The following MICU3 variants were observed in gnomAD, a reference collection of about 807,000 sequenced individuals.
The protein encoded by MICU3 is calcium uptake protein 3, mitochondrial.
Under a neutral mutation model 66.5 loss-of-function variants are expected in MICU3, and 62 were observed. The observed-to-expected ratio is 0.93, with a 90% confidence interval of 0.76 to 1.15. The LOEUF is 1.15. Among genes scored for constraint, MICU3 ranks in the 50% most tolerant of loss-of-function variants. The pLI is 0.00. For synonymous variants in MICU3, 308 were observed against 240.7 expected (o/e 1.28, Z -2.59); for missense variants, 779 against 664.4 (o/e 1.17, Z -1.90).
the MICU3 span, among the ~76,000 whole-genome samples, chr8:17,137,271 ATAGGAG>A: frequency 1.3e-5 from 2 of 152,048 alleles, no homozygotes; most frequent in Non-Finnish European, 2.9e-5. Flanking sequence ...GTGATTCTAC[ATAGGAG>A]TTAAATGTTC....
chr8:17,129,103 A>G, the MICU3 span, among the ~76,000 whole-genome samples: 1 of 152,188 alleles, frequency 6.6e-6, no homozygotes, highest in Admixed American at 6.5e-5. Context: ...AAGTAAAGAC[A>G]ACTCTTGACC....
chr8:17,136,548 C>G, the MICU3 span, among the ~76,000 whole-genome samples: 15 of 152,066 alleles, frequency 9.9e-5, no homozygotes, highest in Non-Finnish European at 4.4e-5. Flanking sequence ...GGATTAGAGC[C>G]TCTGCTCACT....
chr8:17,132,023 A>G, the MICU3 span: 1 of 152,170 alleles, frequency 6.6e-6, no homozygotes, highest in Admixed American at 6.5e-5. Flanking sequence ...CAGGATACTC[A>G]TCATCTCCAA....
intron 3 of MICU3, 136 bp from the exon 4 acceptor site, chr8:17,077,647 G>T (rs143019906): frequency 1.1e-5 from 6 of 559,226 alleles, no homozygotes; most frequent in African/African-American, 3.8e-5. Flanking sequence ...TGAACCACAG[G>T]CATAACATAG....
chr8:17,074,846 A>G (rs1369411079), intron 3 of MICU3, among the ~76,000 whole-genome samples: 1 of 152,010 alleles, frequency 6.6e-6, no homozygotes, highest in African/African-American at 2.4e-5. Flanking sequence ...TAATTCAGCA[A>G]ATATTTATTT....
chr8:17,028,629 T>C (rs1811458049), intron 1 of MICU3, among the ~76,000 whole-genome samples: 2 of 152,242 alleles, frequency 1.3e-5, no homozygotes, highest in African/African-American at 2.4e-5. Context: ...AGTGGTGATC[T>C]GATGTAAGTG....
At chr8:17,084,504 CAAAAG>C (rs1385470664) in intron 5 of MICU3, among the ~76,000 whole-genome samples, 8 of 152,002 alleles carry the variant, frequency 5.3e-5, no homozygotes, top group Middle Eastern at 3.2e-3. Flanking sequence ...CCGGTCATCT[CAAAAG>C]AAAAGATCCA....
At chr8:17,082,702 G>A (rs1003167223) in intron 5 of MICU3, among the ~76,000 whole-genome samples, 3 of 152,100 alleles carry the variant, frequency 2.0e-5, no homozygotes, top group African/African-American at 4.8e-5. Flanking sequence ...GATATGTGGA[G>A]ATGCATGGAA....
chr8:17,052,672 A>C (rs1181997097), intron 1 of MICU3, among the ~76,000 whole-genome samples: 5 of 152,182 alleles, frequency 3.3e-5, no homozygotes, highest in Non-Finnish European at 7.3e-5. Flanking sequence ...ACACAGACGC[A>C]TTTACTAAGC....
At chr8:17,098,201 C>G (rs763690025) in intron 8 of MICU3, among the ~76,000 whole-genome samples, 1 of 151,466 alleles carries the variant, frequency 6.6e-6, no homozygotes, top group East Asian at 1.9e-4. Flanking sequence ...AAGGAGAGAT[C>G]GGAGAATTTG....
At position 17,076,338 on chromosome 8, in the gene MICU3, A is replaced by T. The variant is rs150833346; in HGVS notation, c.568-1445A>T. 7.4e-3 allele frequency among the ~76,000 whole-genome samples: 1,120 copies of T among 152,284 alleles called. 12 individuals carry two copies. The highest frequency in any genetic ancestry group is 0.025 in the African/African-American group (1,054 of 41,560). On this transcript the variant is annotated intron_variant, in intron 3 of 14. Coordinates refer to ENST00000318063, the MANE Select transcript of MICU3 (RefSeq NM_181723.3). ...GCCTGAGCCACTGAGTCCCACCCAGAATGTTTTATTTAATCTCTCAATCTA... is the reference window on the plus strand; with the variant it reads ...GCCTGAGCCACTGAGTCCCACCCAGTATGTTTTATTTAATCTCTCAATCTA...
rs1468844524 is a variant in MICU3 at position 17,076,839 on chromosome 8, A to G, written c.568-944A>G. Among the ~76,000 whole-genome samples the G allele has an allele frequency of 5.3e-5, 8 of 152,178 alleles. No homozygotes were observed. In the South Asian group the frequency reaches 1.0e-3, roughly 20 times the overall value. On this transcript the variant is annotated intron_variant, in intron 3 of 14. Coordinates refer to ENST00000318063, the MANE Select transcript of MICU3 (RefSeq NM_181723.3). The stretch of plus-strand genomic sequence containing the variant: ...CAAGCTCTCAGGTGATGCTTAAACT[A>G]TTGGGGAGCCACATGCTCTGAGGAG...
chr8:17,128,069 G>A, the MICU3 span, among the ~76,000 whole-genome samples: 9 of 152,050 alleles, frequency 5.9e-5, no homozygotes, highest in Non-Finnish European at 1.3e-4. Context: ...GAGCCTGCGG[G>A]CTTTATGGAG....
chr8:17,137,785 C>T, the MICU3 span, among the ~76,000 whole-genome samples: 1 of 141,702 alleles, frequency 7.1e-6, no homozygotes, highest in Admixed American at 7.7e-5. Flanking sequence ...GGCACAATCT[C>T]GGCTCACTGC....
chr8:17,093,056 T>C (rs983318982), intron 8 of MICU3, among the ~76,000 whole-genome samples: 2 of 152,036 alleles, frequency 1.3e-5, no homozygotes, highest in Admixed American at 6.6e-5. Context: ...GCTGCCTATT[T>C]TCCATCACGT....
chr8:17,028,059 G>C (rs1484026639), intron 1 of MICU3, among the ~76,000 whole-genome samples: 1 of 152,206 alleles, frequency 6.6e-6, no homozygotes, highest in East Asian at 1.9e-4. Context: ...TGTTGCATTA[G>C]AATGAGTTTC....
the MICU3 span, chr8:17,131,105 A>G: frequency 2.6e-5 from 4 of 152,206 alleles, no homozygotes; most frequent in African/African-American, 9.7e-5. Context: ...GGAGACAAAA[A>G]CCACCATTTA....
chr8:17,110,117 G>T (rs533479102), intron 11 of MICU3, among the ~76,000 whole-genome samples: 2 of 152,264 alleles, frequency 1.3e-5, no homozygotes, highest in East Asian at 3.9e-4. Flanking sequence ...AAACAAACAT[G>T]GCTTATATAC....
At position 17,031,827 on chromosome 8, in the gene MICU3, G is replaced by T. The variant is rs543588180; in HGVS notation, c.381+4167G>T. 3.7e-4 allele frequency among the ~76,000 whole-genome samples: 57 copies of T among 152,236 alleles called. 1 individual carries two copies. Among genetic ancestry groups the T allele is most frequent in the African/African-American group, 1.3e-3 (54 of 41,542 alleles). ...TAGCCTTGAAGATTTTTATGTCAAA[G>T]ACATTGGCTCTCAACTCGGAATGCC... is the stretch of plus-strand genomic sequence containing the variant. On this transcript the variant is annotated intron_variant, in intron 1 of 14. Coordinates refer to ENST00000318063, the MANE Select transcript of MICU3 (RefSeq NM_181723.3).
Sources: gnomAD v4.1 joint callset for allele counts (sites outside exome capture counted in the v4.1 genomes callset) on GRCh38, gnomAD v4.1.1 for gene constraint, MANE v1.5 for transcripts, NCBI Gene and HGNC (gene_info 2026-07-23, HGNC 2026-07-21) for gene names.